The following WDFY4 variants were observed in gnomAD, a reference collection of about 807,000 sequenced individuals.
WDFY4 encodes WDFY family member 4.
Under a neutral mutation model 351.9 loss-of-function variants are expected in WDFY4, and 169 were observed. That is an observed-to-expected ratio of 0.48 (90% CI 0.42 to 0.55). The LOEUF is 0.55. WDFY4 is among the 20% of genes least tolerant of loss of function. The probability of loss-of-function intolerance (pLI) is 0.00; values close to 1 mark genes in which losing one functional copy is unlikely to be tolerated. For synonymous variants in WDFY4, 1,622 were observed against 1,574.6 expected (o/e 1.03, Z -0.71); for missense variants, 3,803 against 3,935.6 (o/e 0.97, Z 0.90).
chr10:48,722,613 C>G (rs1336416965), intron 4 of WDFY4, among the ~76,000 whole-genome samples: 2 of 152,336 alleles, frequency 1.3e-5, no homozygotes, highest in East Asian at 3.9e-4. Flanking sequence ...GTTGCATGGA[C>G]AGCATTCCAT....
chr10:48,866,992 GAA>G (rs1298188326), intron 39 of WDFY4, among the ~76,000 whole-genome samples: 1 of 151,806 alleles, frequency 6.6e-6, no homozygotes, highest in Non-Finnish European at 1.5e-5. Context: ...CCAATGTGGT[GAA>G]ACCTGTCTCT....
chr10:48,946,021 CT>C lies in WDFY4; in HGVS notation c.7750-18del, dbSNP rs1392055358. 21 of 1,511,194 alleles carry C rather than the reference CT, an allele frequency of 1.4e-5. No individual in the cohort carries two copies. Among genetic ancestry groups the C allele is most frequent in the Non-Finnish European group, 1.8e-5 (20 of 1,126,216 alleles). The allele number at this position is 1,511,194 out of a possible 1,614,324, so 93.6% of individuals were successfully genotyped here. On this transcript the variant is annotated intron_variant, in intron 49 of 61. Transcript: ENST00000325239. ...AGCGGGTCTGGGGAGTTAACTCCAG[CT>C]GCACATCTGCCTTCTAGACATTGAA...
At chr10:48,859,640 C>G (rs2069264784) in intron 39 of WDFY4, among the ~76,000 whole-genome samples, 1 of 152,098 alleles carries the variant, frequency 6.6e-6, no homozygotes, top group Non-Finnish European at 1.5e-5. Flanking sequence ...AATTTTGCAG[C>G]TATTCGTGAA....
At position 48,974,902 on chromosome 10, in the gene WDFY4, C is replaced by T. The variant is rs1451247676; in HGVS notation, c.8969C>T (p.Ala2990Val). The T allele has an allele frequency of 5.8e-6, 9 of 1,550,712 alleles. No homozygotes were observed. The highest frequency in any genetic ancestry group is 7.0e-6 in the Non-Finnish European group (8 of 1,146,432). Residue 2990 changes from alanine (A) to valine (V), a missense_variant, in exon 58 of 62, where the codon GCG becomes GTG. By Grantham distance (64) the Ala-to-Val change is moderately conservative. This residue lies in a region of WDFY4 where 3,054 missense variants were observed against 3,148.6 expected (regional missense o/e 0.97). Transcript: ENST00000325239. The part of the protein sequence containing the change: ...GHTQAVTCLA[A>V]SVTFSLLVSG... ...ACACAGGCTGTCACGTGCCTGGCAG[C>T]GTCAGTCACCTTCAGCCTCCTGGTG... is the stretch of plus-strand genomic sequence containing the variant.
At chr10:48,700,267 AC>A (rs1449803133) in intron 1 of WDFY4, among the ~76,000 whole-genome samples, 2 of 152,156 alleles carry the variant, frequency 1.3e-5, no homozygotes, top group African/African-American at 4.8e-5. Flanking sequence ...GAGTCCCCTC[AC>A]CTACACTTCC....
chr10:48,885,328 C>T (rs1010523501), intron 43 of WDFY4, among the ~76,000 whole-genome samples: 1 of 152,194 alleles, frequency 6.6e-6, no homozygotes. Context: ...ATATTCAGAG[C>T]TACCCTGGCT....
At chr10:48,892,606 C>A (rs1469878534) in intron 44 of WDFY4, among the ~76,000 whole-genome samples, 1 of 152,122 alleles carries the variant, frequency 6.6e-6, no homozygotes, top group Non-Finnish European at 1.5e-5. Context: ...TTAGATCATT[C>A]CAGATCAATG....
intron 39 of WDFY4, among the ~76,000 whole-genome samples, chr10:48,854,032 G>A (rs2069047838): frequency 6.6e-6 from 1 of 152,130 alleles, no homozygotes; most frequent in South Asian, 2.1e-4. Context: ...GTATTTCTTT[G>A]AAGTATGAAG....
chr10:48,884,198 A>G (rs192984392), intron 43 of WDFY4: 1 of 152,218 alleles, frequency 6.6e-6, no homozygotes, highest in Non-Finnish European at 1.5e-5. Flanking sequence ...AAAGGGAAAG[A>G]CATTTTCCTC....
At chr10:48,957,611 G>A (rs117293470) in intron 52 of WDFY4, among the ~76,000 whole-genome samples, 4,183 of 152,282 alleles carry the variant, frequency 0.027, 86 homozygotes, top group Middle Eastern at 0.055. Flanking sequence ...TTTCTGCCTC[G>A]AGACCTTGGG....
intron 23 of WDFY4, 94 bp from the exon 24 acceptor site, chr10:48,796,201 GAGC>G (rs2066869413): frequency 7.3e-7 from 1 of 1,368,564 alleles, no homozygotes; most frequent in Non-Finnish European, 9.8e-7. Context: ...TAGCAGCAGA[GAGC>G]AGAAGGTTTG....
chr10:48,702,877 C>T (rs2063519132), intron 1 of WDFY4, among the ~76,000 whole-genome samples: 1 of 152,102 alleles, frequency 6.6e-6, no homozygotes, highest in African/African-American at 2.4e-5. Context: ...TGCTCTGCAC[C>T]CTTGCCATCA....
chr10:48,780,639 G>A (rs905145649), intron 19 of WDFY4, among the ~76,000 whole-genome samples: 1 of 152,228 alleles, frequency 6.6e-6, no homozygotes, highest in Non-Finnish European at 1.5e-5. Flanking sequence ...GCTGGAGGAA[G>A]CATCTCATGG....
intron 13 of WDFY4, among the ~76,000 whole-genome samples, chr10:48,773,628 A>G (rs2065936584): frequency 6.6e-6 from 1 of 152,244 alleles, no homozygotes; most frequent in Non-Finnish European, 1.5e-5. Flanking sequence ...GGTTAAGATA[A>G]GAGCACAGCT....
In WDFY4 at chr10:48,936,794, C is replaced by T. The variant is rs576096406; in HGVS notation, c.7587-5012C>T. On this transcript the variant is annotated intron_variant, in intron 47 of 61. Transcript: ENST00000325239. The stretch of plus-strand genomic sequence containing the variant: ...CAGAGGTTGCAGTGAGCCGAGATCG[C>T]GCCACTGCACTCCAGCCTGGGCAAC... Among the ~76,000 whole-genome samples, 16 of 147,982 alleles carry T rather than the reference C, an allele frequency of 1.1e-4. No homozygotes were observed. The South Asian group carries it at 3.2e-3, about 30-fold the overall frequency.
intron 10 of WDFY4, 149 bp downstream of exon 10, chr10:48,734,184 C>A: frequency 1.5e-6 from 1 of 664,680 alleles, no homozygotes. Flanking sequence ...GGCCGATGTT[C>A]AGTGATCATC....
intron 39 of WDFY4, among the ~76,000 whole-genome samples, chr10:48,836,399 A>G (rs1233949554): frequency 6.6e-6 from 1 of 152,230 alleles, no homozygotes. Flanking sequence ...GCACAAGTGC[A>G]TGAAATTGGG....
intron 38 of WDFY4, 80 bp downstream of exon 38, chr10:48,830,965 C>G (rs889130150): frequency 7.1e-7 from 1 of 1,410,610 alleles, no homozygotes; most frequent in Non-Finnish European, 9.5e-7. Flanking sequence ...AACTCAGTGC[C>G]TAGAGCCTTT....
Position 48,890,845 on chromosome 10 carries a change from A to T in WDFY4, c.7316+118A>T, listed in dbSNP as rs1467145731. 2.2e-6 allele frequency: 3 copies of T among 1,392,404 alleles called. No individual in the cohort carries two copies. In the African/African-American group the frequency reaches 4.3e-5, roughly 20 times the overall value. The allele number at this position is 1,392,404 out of a possible 1,614,324, so 86.3% of individuals were successfully genotyped here. A position where few individuals can be genotyped will look rare whatever the true frequency, so the allele number is the denominator to read the frequency against. On this transcript the variant is annotated intron_variant, in intron 44 of 61. Coordinates refer to ENST00000325239, the MANE Select transcript of WDFY4 (RefSeq NM_001394531.1). ...CAGTGGGCTTAGATTTGGGCCTGAA[A>T]CTGAGCCATGAGATAAAACAGAAGG...
Sources: gnomAD v4.1 joint callset for allele counts (sites outside exome capture counted in the v4.1 genomes callset) on GRCh38, gnomAD v4.1.1 for gene constraint, gnomAD v4.1.1 regional missense constraint, MANE v1.5 for transcripts, NCBI Gene and HGNC (gene_info 2026-07-23, HGNC 2026-07-21) for gene names.